Variants in XYLT1 observed in about 807,000 individuals in gnomAD.
The protein encoded by XYLT1 is xylosyltransferase 1, also known as beta-D-xylosyltransferase 1.
XYLT1 carries 36 observed loss-of-function variants against 91.3 expected under a neutral mutation model. The ratio of observed to expected loss-of-function variants is 0.39; its 90% CI spans 0.30 to 0.52. The LOEUF (loss-of-function observed/expected upper bound fraction) is 0.52, where lower values mean the gene tolerates loss of function less well. Among genes scored for constraint, XYLT1 ranks in the 20% least tolerant of loss-of-function variants. The probability of loss-of-function intolerance (pLI) is 0.68; values close to 1 mark genes in which losing one functional copy is unlikely to be tolerated. For synonymous variants in XYLT1, 588 were observed against 532.0 expected (o/e 1.11, Z -1.45); for missense variants, 1,242 against 1,284.5 (o/e 0.97, Z 0.51).
In XYLT1 at chr16:17,470,667, C is replaced by G; in HGVS notation, c.130G>C (p.Glu44Gln). The change falls in exon 1 of 12, where the codon GAG becomes CAG. Residue 44 changes from glutamate (E) to glutamine (Q), a missense_variant. Coordinates refer to ENST00000261381, the MANE Select transcript of XYLT1 (RefSeq NM_022166.4). Reference sequence around the variant, plus strand: ...CCGACCGCTGCGCCCCCGCGGCGCTCCCCGGCCCCGGAGTCGAGGCTGCTG... The same window carrying G: ...CCGACCGCTGCGCCCCCGCGGCGCTGCCCGGCCCCGGAGTCGAGGCTGCTG... ...NFSSLDSGAG[E>Q]RRGGAAVGGG... 8.7e-7 allele frequency: 1 copy of G among 1,147,708 alleles called. No homozygotes were observed. Among genetic ancestry groups the G allele is most frequent in the Non-Finnish European group, 1.1e-6 (1 of 916,628 alleles). 71.1% of individuals were successfully genotyped at this position (1,147,708 alleles called of 1,614,324 possible).
intron 9 of XYLT1, 88 bp downstream of exon 9, chr16:17,134,385 C>T: frequency 6.5e-7 from 1 of 1,535,046 alleles, no homozygotes; most frequent in African/African-American, 1.4e-5. Context: ...TTGCAGATCC[C>T]TAAAGAGGAA....
At chr16:17,462,759 C>G (rs1712480182) in intron 1 of XYLT1, among the ~76,000 whole-genome samples, 1 of 152,192 alleles carries the variant, frequency 6.6e-6, no homozygotes, top group South Asian at 2.1e-4. Context: ...CTCCGCTTCT[C>G]CCTTGGTTAG....
rs537498340 is a variant in XYLT1, at chr16:17,389,000, G to A, written c.364-30950C>T. Among the ~76,000 whole-genome samples the A allele has an allele frequency of 6.6e-5, 10 of 152,272 alleles. No homozygotes were observed. The East Asian group carries it at 1.7e-3, about 26-fold the overall frequency. Reference sequence around the variant, plus strand: ...AACAAATGGGAATATGCAGGGTCTGGGTCTAGCCCTGTCCTGGGGAAACAA... The same window carrying A: ...AACAAATGGGAATATGCAGGGTCTGAGTCTAGCCCTGTCCTGGGGAAACAA... On this transcript the variant is annotated intron_variant, in intron 1 of 11. Coordinates refer to ENST00000261381, the MANE Select transcript of XYLT1 (RefSeq NM_022166.4).
chr16:17,121,428 T>C (rs763020857), intron 10 of XYLT1, among the ~76,000 whole-genome samples: 1 of 152,192 alleles, frequency 6.6e-6, no homozygotes, highest in African/African-American at 2.4e-5. Flanking sequence ...AGGGGCCTCA[T>C]TGTGGAAGTC....
At chr16:17,225,502 C>A (rs549934909) in intron 3 of XYLT1, among the ~76,000 whole-genome samples, 16 of 152,208 alleles carry the variant, frequency 1.1e-4, no homozygotes, top group African/African-American at 3.6e-4. Context: ...TCAGCAAACC[C>A]AGAAAGTTTT....
At chr16:17,413,200 A>C (rs1361921002) in intron 1 of XYLT1, among the ~76,000 whole-genome samples, 1 of 152,188 alleles carries the variant, frequency 6.6e-6, no homozygotes, top group African/African-American at 2.4e-5. Context: ...TGGTACTCAA[A>C]AAAGAAGTAA....
intron 1 of XYLT1, among the ~76,000 whole-genome samples, chr16:17,366,384 G>A (rs1373227543): frequency 6.6e-6 from 1 of 152,070 alleles, no homozygotes; most frequent in South Asian, 2.1e-4. Flanking sequence ...TTACTGTAAG[G>A]GGTTTGTAAA....
chr16:17,416,107 C>T (rs970682756), intron 1 of XYLT1, among the ~76,000 whole-genome samples: 6 of 152,210 alleles, frequency 3.9e-5, no homozygotes, highest in Non-Finnish European at 7.3e-5. Context: ...TTTGCTGTGG[C>T]GCTGTCCTGC....
intron 1 of XYLT1, among the ~76,000 whole-genome samples, chr16:17,438,449 C>T (rs1054993580): frequency 6.6e-6 from 1 of 152,000 alleles, no homozygotes; most frequent in Non-Finnish European, 1.5e-5. Context: ...TAAGTGGAGG[C>T]CAGATTAAAC....
At chr16:17,443,937 C>G (rs1207994897) in intron 1 of XYLT1, among the ~76,000 whole-genome samples, 1 of 152,156 alleles carries the variant, frequency 6.6e-6, no homozygotes, top group Non-Finnish European at 1.5e-5. Context: ...GCTTTGGTCT[C>G]AATCTCAAAG....
intron 5 of XYLT1, among the ~76,000 whole-genome samples, chr16:17,192,407 C>A (rs544283044): frequency 3.3e-5 from 5 of 152,244 alleles, no homozygotes; most frequent in East Asian, 3.9e-4. Context: ...CAGCCGAGGT[C>A]TCTTACTACA....
At chr16:17,385,298 ACACACACACAC>A (rs1208074603) in intron 1 of XYLT1, among the ~76,000 whole-genome samples, 5 of 151,260 alleles carry the variant, frequency 3.3e-5, no homozygotes, top group African/African-American at 1.2e-4. Context: ...ACACACACAC[ACACACACACAC>A]ACCTATGTAC....
At chr16:17,438,845 C>A (rs1279062664) in intron 1 of XYLT1, among the ~76,000 whole-genome samples, 1 of 152,098 alleles carries the variant, frequency 6.6e-6, no homozygotes, top group Non-Finnish European at 1.5e-5. Context: ...ATGATCCAAT[C>A]ACCTCCCACC....
chr16:17,238,254 G>A (rs1282484006), intron 3 of XYLT1, among the ~76,000 whole-genome samples: 5 of 152,196 alleles, frequency 3.3e-5, no homozygotes, highest in African/African-American at 4.8e-5. Context: ...ATAGCAGGCC[G>A]GAATTTTCAG....
intron 6 of XYLT1, among the ~76,000 whole-genome samples, chr16:17,153,020 T>C (rs1269868929): frequency 6.6e-6 from 1 of 152,002 alleles, no homozygotes; most frequent in African/African-American, 2.4e-5. Context: ...ATGAGAGTTA[T>C]TGAACATAAG....
chr16:17,415,607 G>T (rs938009325), intron 1 of XYLT1, among the ~76,000 whole-genome samples: 18 of 152,190 alleles, frequency 1.2e-4, no homozygotes, highest in Admixed American at 7.2e-4. Context: ...CAGGAGAACC[G>T]CTTGAGTCCG....
chr16:17,274,759 T>C (rs2033946974), intron 2 of XYLT1, among the ~76,000 whole-genome samples: 1 of 152,146 alleles, frequency 6.6e-6, no homozygotes, highest in Non-Finnish European at 1.5e-5. Flanking sequence ...GGGCAAAGCA[T>C]GTGCAAAGGT....
chr16:17,333,292 T>A (rs568827964), intron 2 of XYLT1, among the ~76,000 whole-genome samples: 1 of 152,234 alleles, frequency 6.6e-6, no homozygotes, highest in Non-Finnish European at 1.5e-5. Flanking sequence ...CATTTCATCA[T>A]GTGATCCATA....
At chr16:17,181,822 A>C (rs1243570154) in intron 5 of XYLT1, among the ~76,000 whole-genome samples, 5 of 151,972 alleles carry the variant, frequency 3.3e-5, no homozygotes, top group African/African-American at 1.2e-4. Context: ...GGCCACGATG[A>C]GTTACCCCAA....
Sources: gnomAD v4.1 joint callset for allele counts (sites outside exome capture counted in the v4.1 genomes callset) on GRCh38, gnomAD v4.1.1 for gene constraint, MANE v1.5 for transcripts, NCBI Gene and HGNC (gene_info 2026-07-23, HGNC 2026-07-21) for gene names.